Variants in PCDHA9 observed in about 807,000 individuals in gnomAD.
PCDHA9 encodes the protein protocadherin alpha-9.
In PCDHA9, 62 loss-of-function variants were observed where a neutral mutation model predicts 62.0. The ratio of observed to expected loss-of-function variants is 1.00; its 90% CI spans 0.81 to 1.23. The LOEUF (loss-of-function observed/expected upper bound fraction) is 1.23, where lower values mean the gene tolerates loss of function less well. Ranked by LOEUF, PCDHA9 falls within the 50% of genes most tolerant of loss-of-function variation. PCDHA9 has a pLI of 0.00. For synonymous variants in PCDHA9, 557 were observed against 567.6 expected (o/e 0.98, Z 0.27); for missense variants, 1,205 against 1,249.8 (o/e 0.96, Z 0.54).
At chr5:140,861,600 A>G (rs782505060) in intron 1 of PCDHA9, 3 of 371,010 alleles carry the variant, frequency 8.1e-6, no homozygotes, top group Non-Finnish European at 1.6e-5. Context: ...GAAAGTGAAG[A>G]ACAATAAAGA....
At position 140,957,153 on chromosome 5, in the gene PCDHA9, A is replaced by G. The variant is rs988889035; in HGVS notation, c.2395-21796A>G. Among the ~76,000 whole-genome samples, 121 of 152,268 alleles carry G rather than the reference A, an allele frequency of 7.9e-4. 1 individual carries two copies. Among genetic ancestry groups the G allele is most frequent in the East Asian group, 3.9e-4 (2 of 5,186 alleles). On this transcript the variant is annotated intron_variant, in intron 1 of 3. Transcript: ENST00000532602. Reference sequence around the variant, plus strand: ...ACACTATGAACTAAAAATTTTGGAGACAAATCTAAGTATATAAATTGGTTT... The same window carrying G: ...ACACTATGAACTAAAAATTTTGGAGGCAAATCTAAGTATATAAATTGGTTT...
rs78805068 is a variant in PCDHA9, at chr5:140,928,696, C to T, written c.2395-50253C>T. On this transcript the variant is annotated intron_variant, in intron 1 of 3. Transcript: ENST00000532602. ...TGCCTGGCTTTCCTACCACATCTCC[C>T]GGGCGTCTGACTCTAGTCTCTTTAG... The T allele has an allele frequency of 3.2e-3, 5,185 of 1,614,146 alleles. 27 individuals carry two copies. The highest frequency in any genetic ancestry group is 0.019 in the African/African-American group (1,449 of 75,020).
chr5:140,869,757 A>G, intron 1 of PCDHA9: 3 of 1,613,264 alleles, frequency 1.9e-6, no homozygotes, highest in Non-Finnish European at 2.5e-6. Flanking sequence ...CAGACGGGGG[A>G]AAACCAGAGC....
intron 1 of PCDHA9, among the ~76,000 whole-genome samples, chr5:140,976,680 C>T (rs2096726528): frequency 6.6e-6 from 1 of 152,146 alleles, no homozygotes; most frequent in African/African-American, 2.4e-5. Context: ...CTCATTTTTG[C>T]AATTTAAGTA....
intron 3 of PCDHA9, among the ~76,000 whole-genome samples, chr5:140,993,787 A>AT (rs1554253947): frequency 6.6e-6 from 1 of 152,196 alleles, no homozygotes; most frequent in Non-Finnish European, 1.5e-5. Context: ...GTACAGTAAC[A>AT]TGCTGTGCAG....
chr5:140,855,626 T>C (rs1554147868), intron 1 of PCDHA9, among the ~76,000 whole-genome samples: 1 of 149,872 alleles, frequency 6.7e-6, no homozygotes, highest in Non-Finnish European at 1.5e-5. Context: ...CATTTTGAAA[T>C]TCGGCTATTG....
intron 1 of PCDHA9, chr5:140,876,290 T>C: frequency 6.2e-7 from 1 of 1,614,074 alleles, no homozygotes; most frequent in Non-Finnish European, 8.5e-7. Flanking sequence ...GACGAAGGAC[T>C]TAATGGAGAA....
In PCDHA9 at chr5:140,929,079, T is replaced by G. The variant is rs76301676; in HGVS notation, c.2395-49870T>G. 5,184 of 1,614,178 alleles carry G rather than the reference T, an allele frequency of 3.2e-3. 26 individuals are homozygous for G. Among genetic ancestry groups the G allele is most frequent in the African/African-American group, 0.019 (1,450 of 75,034 alleles). On this transcript the variant is annotated intron_variant, in intron 1 of 3. Transcript: ENST00000532602. ...CTACAGAGGATCTGAGGTATGGAAGTAAGATGGTTTCAAATCCTTGCATGA... is the reference window on the plus strand; with the variant it reads ...CTACAGAGGATCTGAGGTATGGAAGGAAGATGGTTTCAAATCCTTGCATGA...
chr5:140,942,629 A>C (rs1401408646), intron 1 of PCDHA9, among the ~76,000 whole-genome samples: 1 of 152,076 alleles, frequency 6.6e-6, no homozygotes, highest in Non-Finnish European at 1.5e-5. Flanking sequence ...TAAAAAAAAA[A>C]ATGGCAAAAG....
In PCDHA9 at chr5:140,850,313, G is replaced by C. The variant is rs113332257; in HGVS notation, c.1818G>C (p.Trp606Cys). The change falls in exon 1 of 4, where the codon TGG (tryptophan) becomes TGC (cysteine). Residue 606 changes from tryptophan (W) to cysteine (C), a missense_variant. Coordinates refer to ENST00000532602, the MANE Select transcript of PCDHA9 (RefSeq NM_031857.2). ...AVDADSGYNAWLSYELQPETA... is the reference protein window; with the variant it reads ...AVDADSGYNACLSYELQPETA... ...ACGCCGACTCGGGCTACAACGCGTGGCTTTCATACGAGCTGCAGCCAGAAA... is the reference window on the plus strand; with the variant it reads ...ACGCCGACTCGGGCTACAACGCGTGCCTTTCATACGAGCTGCAGCCAGAAA... The C allele has an allele frequency of 1.3e-6, 2 of 1,597,364 alleles. No individual in the cohort carries two copies. Among genetic ancestry groups the C allele is most frequent in the African/African-American group, 1.3e-5 (1 of 74,440 alleles).
intron 1 of PCDHA9, chr5:140,864,371 G>A (rs1005201982): frequency 6.6e-5 from 10 of 152,044 alleles, no homozygotes; most frequent in South Asian, 6.2e-4. Context: ...TTCTATAATC[G>A]ATAAGTTTAT....
At chr5:140,870,745 G>A (rs369212308) in intron 1 of PCDHA9, 1 of 1,613,530 alleles carries the variant, frequency 6.2e-7, no homozygotes, top group South Asian at 1.1e-5. Context: ...GAGCAGCAAC[G>A]TGACGCTGCA....
intron 3 of PCDHA9, among the ~76,000 whole-genome samples, chr5:140,986,799 CTTAG>C (rs782752084): frequency 3.9e-5 from 6 of 152,154 alleles, no homozygotes; most frequent in South Asian, 4.1e-4. Context: ...GGCAGTGAGT[CTTAG>C]TTAGAGAACT....
In PCDHA9 at chr5:141,010,048, C is replaced by T; in HGVS notation, c.*111C>T. 4 of 1,597,434 alleles carry T rather than the reference C, an allele frequency of 2.5e-6. No homozygotes were observed. The highest frequency in any genetic ancestry group is 3.4e-6 in the Non-Finnish European group (4 of 1,172,252). Reference sequence around the variant, plus strand: ...CTATCTACATGAGCCCTCTTAGAGACCTCAGAAATCTGCAGAAAGTTCCCT... The same window carrying T: ...CTATCTACATGAGCCCTCTTAGAGATCTCAGAAATCTGCAGAAAGTTCCCT... On this transcript the variant is annotated 3_prime_UTR_variant, in exon 4 of 4. Coordinates refer to ENST00000532602, the MANE Select transcript of PCDHA9 (RefSeq NM_031857.2).
At chr5:140,882,376 C>G in intron 1 of PCDHA9, 1 of 1,614,190 alleles carries the variant, frequency 6.2e-7, no homozygotes, top group South Asian at 1.1e-5. Context: ...ACTCCGTCCC[C>G]GAGGAAGCAA....
At chr5:140,870,465 C>A in intron 1 of PCDHA9, 1 of 1,614,208 alleles carries the variant, frequency 6.2e-7, no homozygotes, top group Non-Finnish European at 8.5e-7. Flanking sequence ...CGCCTGCGTT[C>A]GCACAGCCCG....
At chr5:140,934,100 T>C (rs554832439) in intron 1 of PCDHA9, among the ~76,000 whole-genome samples, 3 of 152,280 alleles carry the variant, frequency 2.0e-5, no homozygotes, top group Non-Finnish European at 4.4e-5. Context: ...GTTTGCTTTC[T>C]ATTTTATTAA....
chr5:140,993,783 T>C (rs1402072576), intron 3 of PCDHA9, among the ~76,000 whole-genome samples: 2 of 152,230 alleles, frequency 1.3e-5, no homozygotes, highest in East Asian at 3.9e-4. Flanking sequence ...TTTTGTACAG[T>C]AACATGCTGT....
intron 1 of PCDHA9, among the ~76,000 whole-genome samples, chr5:140,933,411 T>C (rs1174569571): frequency 6.6e-6 from 1 of 152,084 alleles, no homozygotes; most frequent in Non-Finnish European, 1.5e-5. Flanking sequence ...CATCTACAGA[T>C]ATTCTGTGTT....
Sources: allele counts gnomAD v4.1 joint callset (sites outside exome capture counted in the v4.1 genomes callset), GRCh38; gene constraint gnomAD v4.1.1; transcripts MANE v1.5; gene names NCBI Gene and HGNC (gene_info 2026-07-23, HGNC 2026-07-21).